Variants in SIRT3 observed in about 807,000 individuals in gnomAD.
SIRT3 encodes NAD-dependent protein deacetylase sirtuin-3, mitochondrial.
In SIRT3, 26 loss-of-function variants were observed where a neutral mutation model predicts 33.5. The ratio of observed to expected loss-of-function variants is 0.78; its 90% CI spans 0.57 to 1.08. The LOEUF (loss-of-function observed/expected upper bound fraction) is 1.08, where lower values mean the gene tolerates loss of function less well. Ranked by LOEUF, SIRT3 falls within the 50% of genes least tolerant of loss-of-function variation. SIRT3 has a pLI of 0.00. For missense variants in SIRT3, 585 were observed against 530.1 expected (o/e 1.10, Z -1.02); for synonymous variants, 237 against 222.1 (o/e 1.07, Z -0.60).
At chr11:235,839 G>A (rs573255595) in intron 1 of SIRT3, among the ~76,000 whole-genome samples, 2 of 152,156 alleles carry the variant, frequency 1.3e-5, no homozygotes, top group Non-Finnish European at 2.9e-5. Flanking sequence ...ATAACTAAAG[G>A]TTAGAACGTA....
At chr11:236,863 G>A, upstream of SIRT3, 1 of 607,790 alleles carries the variant, frequency 1.6e-6, no homozygotes, top group Non-Finnish European at 2.9e-6. Flanking sequence ...AAACGCCGGA[G>A]AGTTTTGTCC....
upstream of SIRT3, chr11:236,384 C>CCGGCCT: frequency 5.8e-6 from 1 of 173,276 alleles, no homozygotes; most frequent in Non-Finnish European, 7.7e-6. Flanking sequence ...CGCCCCGGCC[C>CCGGCCT]CGCCTCCGCC....
intron 1 of SIRT3, among the ~76,000 whole-genome samples, chr11:234,547 TG>T (rs1364317431): frequency 6.6e-6 from 1 of 152,108 alleles, no homozygotes; most frequent in Non-Finnish European, 1.5e-5. Flanking sequence ...CCCGAGTAGC[TG>T]GGACTACAGG....
At chr11:232,627 G>A (rs1238911591) in intron 3 of SIRT3, among the ~76,000 whole-genome samples, 1 of 152,032 alleles carries the variant, frequency 6.6e-6, no homozygotes, top group Non-Finnish European at 1.5e-5. Flanking sequence ...CTTTGTGTGT[G>A]CTCAAAAAAA....
At position 216,727 on chromosome 11, in the gene SIRT3, C is replaced by T. The variant is rs759691498; in HGVS notation, c.1180-9G>A. ...TTGTCTGGTCCATCAAGCTGGAATA[C>T]AGAAGACAGAGGGTATCAGCTATCT... On this transcript the variant is annotated splice_polypyrimidine_tract_variant and intron_variant, in intron 6 of 6. Coordinates refer to ENST00000382743, the MANE Select transcript of SIRT3 (RefSeq NM_012239.6). 2 of 1,614,110 alleles carry T rather than the reference C, an allele frequency of 1.2e-6. No homozygotes were observed. Among genetic ancestry groups the T allele is most frequent in the Non-Finnish European group, 1.7e-6 (2 of 1,179,960 alleles).
rs200731329 is a variant in SIRT3, at chr11:236,193, C to G, written c.136G>C (p.Val46Leu). The G allele has an allele frequency of 1.5e-4, 236 of 1,561,714 alleles. No individual in the cohort carries two copies. The highest frequency in any genetic ancestry group is 2.0e-4 in the Non-Finnish European group (229 of 1,156,650). Residue 46 changes from valine (V) to leucine (L), a missense_variant, in exon 1 of 7, where the codon GTG becomes CTG. Physicochemically the swap from Val to Leu is conservative, Grantham distance 32. Transcript: ENST00000382743. Reference protein sequence around the residue: ...CRLVLGGRDDVSAGLRGSHGA... With the variant: ...CRLVLGGRDDLSAGLRGSHGA... ...TGGCTGCCTCTCAGCCCCGCACTCA[C>G]ATCGTCCCTGCCGCCAAGCACCAGC...
intron 1 of SIRT3, among the ~76,000 whole-genome samples, chr11:235,719 G>A (rs1310870168): frequency 1.3e-5 from 2 of 152,146 alleles, no homozygotes; most frequent in African/African-American, 4.8e-5. Context: ...ATTTATGAGG[G>A]ATCATTAAAG....
chr11:236,166 C>A lies in SIRT3; in HGVS notation c.163G>T (p.Gly55Trp). The change falls in exon 1 of 7, where the codon GGG becomes TGG. Residue 55 changes from glycine to tryptophan, a missense_variant. Coordinates refer to ENST00000382743, the MANE Select transcript of SIRT3 (RefSeq NM_012239.6). ...GGGTCCAAGGGCTCACCGCGGGCCC[C>A]ATGGCTGCCTCTCAGCCCCGCACTC... ...DVSAGLRGSH[G>W]ARGEPLDPAR... 1 of 1,566,590 alleles carries A rather than the reference C, an allele frequency of 6.4e-7. No homozygotes were observed. Among genetic ancestry groups the A allele is most frequent in the African/African-American group, 1.4e-5 (1 of 73,586 alleles).
chr11:233,301 G>C, intron 2 of SIRT3, 42 bp downstream of exon 2: 1 of 1,603,398 alleles, frequency 6.2e-7, no homozygotes, highest in Non-Finnish European at 8.5e-7. Flanking sequence ...GCAGGAGTCA[G>C]GGGAGGGGAG....
intron 4 of SIRT3, among the ~76,000 whole-genome samples, chr11:228,736 C>G (rs1440366098): frequency 6.6e-6 from 1 of 152,130 alleles, no homozygotes; most frequent in Admixed American, 6.6e-5. Context: ...AATAGACAAA[C>G]TAGATTTCAT....
chr11:226,263 G>T (rs558557731), intron 4 of SIRT3, among the ~76,000 whole-genome samples: 6 of 152,244 alleles, frequency 3.9e-5, no homozygotes, highest in Admixed American at 1.3e-4. Flanking sequence ...GAAGCCTAAT[G>T]GTGGCTGGGG....
chr11:221,563 G>C (rs1856445471), intron 5 of SIRT3, among the ~76,000 whole-genome samples: 1 of 152,212 alleles, frequency 6.6e-6, no homozygotes. Context: ...TTTTAGAAAA[G>C]ATCATATGGT....
chr11:231,397 TGCACTCTA>T (rs1217034324), intron 3 of SIRT3, among the ~76,000 whole-genome samples: 1 of 152,216 alleles, frequency 6.6e-6, no homozygotes, highest in Non-Finnish European at 1.5e-5. Context: ...ATCATGCCAC[TGCACTCTA>T]GCCTGGGCAA....
chr11:226,751 A>ATT (rs1178536880), intron 4 of SIRT3, among the ~76,000 whole-genome samples: 2 of 88,904 alleles, frequency 2.2e-5, no homozygotes, highest in African/African-American at 1.4e-4. Flanking sequence ...TACAATTATT[A>ATT]TTATTATTTT....
At chr11:232,615 C>T (rs1858220810) in intron 3 of SIRT3, among the ~76,000 whole-genome samples, 1 of 152,084 alleles carries the variant, frequency 6.6e-6, no homozygotes, top group African/African-American at 2.4e-5. Flanking sequence ...TTACATTGCT[C>T]TCTTTGTGTG....
intron 4 of SIRT3, 145 bp downstream of exon 4, chr11:230,307 T>G: frequency 2.3e-6 from 1 of 426,240 alleles, no homozygotes; most frequent in Non-Finnish European, 4.2e-6. Flanking sequence ...TTTACAAGCA[T>G]GTATTGATTT....
In SIRT3 at chr11:233,132, A is replaced by C; in HGVS notation, c.557T>G (p.Phe186Cys). Residue 186 changes from phenylalanine to cysteine, a missense_variant, in exon 3 of 7, where the codon TTT becomes TGT. Phe to Cys is a radical substitution (Grantham distance 205). Transcript: ENST00000382743. ...PEAIFELPFFFHNPKPFFTLA... is the reference protein window; with the variant it reads ...PEAIFELPFFCHNPKPFFTLA... ...AGTGAAAAAGGGCTTGGGGTTGTGA[A>C]AGAAGAATGGGAGTTCAAAAATGGC... is the stretch of plus-strand genomic sequence containing the variant. 6.2e-7 allele frequency: 1 copy of C among 1,614,168 alleles called. No individual in the cohort carries two copies. Among genetic ancestry groups the C allele is most frequent in the South Asian group, 1.1e-5 (1 of 91,082 alleles).
Position 216,546 on chromosome 11 carries a change from G to T in SIRT3, c.*152C>A. ...TACCAGTCACTGCAGCTCATGGCCT[G>T]AGAAGACATTCCAGTGGCAGCCTCG... On this transcript the variant is annotated 3_prime_UTR_variant, in exon 7 of 7. Coordinates refer to ENST00000382743, the MANE Select transcript of SIRT3 (RefSeq NM_012239.6). 2 of 815,212 alleles carry T rather than the reference G, an allele frequency of 2.5e-6. No individual in the cohort carries two copies. The highest frequency in any genetic ancestry group is 1.6e-5 in the South Asian group (1 of 63,042). 50.5% of individuals were successfully genotyped at this position (815,212 alleles called of 1,614,324 possible).
Position 216,073 on chromosome 11 carries a change from T to A in SIRT3, c.*625A>T, listed in dbSNP as rs998845143. On this transcript the variant is annotated 3_prime_UTR_variant, in exon 7 of 7. Coordinates refer to ENST00000382743, the MANE Select transcript of SIRT3 (RefSeq NM_012239.6). ...GGACAAATGCCTTCAGTCCTCAGAC[T>A]GTTCCAATAGAGGGGACGCCACGTA... 4.6e-5 allele frequency: 7 copies of A among 152,838 alleles called. No individual in the cohort carries two copies. Among genetic ancestry groups the A allele is most frequent in the African/African-American group, 1.7e-4 (7 of 41,464 alleles). 9.5% of individuals were successfully genotyped at this position (152,838 alleles called of 1,614,324 possible).
Sources: allele counts gnomAD v4.1 joint callset (sites outside exome capture counted in the v4.1 genomes callset), GRCh38; gene constraint gnomAD v4.1.1; transcripts MANE v1.5; gene names NCBI Gene and HGNC (gene_info 2026-07-23, HGNC 2026-07-21).